The following ATOSA variants were observed in gnomAD, a reference collection of about 807,000 sequenced individuals.
ATOSA encodes atos homolog protein A.
chr15:52,594,362 A>G, the ATOSA span, among the ~76,000 whole-genome samples: 1 of 152,230 alleles, frequency 6.6e-6, no homozygotes, highest in Non-Finnish European at 1.5e-5. Flanking sequence ...ACTCACTGAG[A>G]TAACTACTTT....
At chr15:52,611,387 G>A in the ATOSA span, 36 of 1,258,674 alleles carry the variant, frequency 2.9e-5, 1 homozygote, top group South Asian at 4.4e-4. Context: ...ATACACTTAC[G>A]ATGTCACTTG....
the ATOSA span, among the ~76,000 whole-genome samples, chr15:52,597,867 G>A: frequency 1.3e-5 from 2 of 152,206 alleles, no homozygotes; most frequent in Non-Finnish European, 2.9e-5. Context: ...GCTTATGCCT[G>A]TAATCCCAGC....
the ATOSA span, among the ~76,000 whole-genome samples, chr15:52,643,590 CTTTTTTT>C: frequency 7.3e-6 from 1 of 136,694 alleles, no homozygotes; most frequent in African/African-American, 2.7e-5. Flanking sequence ...GCCTTGAACT[CTTTTTTT>C]TTTTTTTTGG....
At chr15:52,659,948 C>T in the ATOSA span, among the ~76,000 whole-genome samples, 4 of 152,196 alleles carry the variant, frequency 2.6e-5, no homozygotes, top group South Asian at 6.2e-4. Context: ...GGATTGGACA[C>T]AGGACAACAG....
chr15:52,654,610 T>A, the ATOSA span, among the ~76,000 whole-genome samples: 1 of 152,184 alleles, frequency 6.6e-6, no homozygotes, highest in African/African-American at 2.4e-5. Context: ...TCGTTAAGTA[T>A]GTTCTCTAAA....
the ATOSA span, among the ~76,000 whole-genome samples, chr15:52,659,715 G>A: frequency 1.3e-5 from 2 of 152,116 alleles, no homozygotes; most frequent in East Asian, 3.8e-4. Flanking sequence ...CAAGACTTGA[G>A]TGCACTAGCA....
the ATOSA span, among the ~76,000 whole-genome samples, chr15:52,683,585 T>C: frequency 6.6e-6 from 1 of 152,246 alleles, no homozygotes; most frequent in African/African-American, 2.4e-5. Context: ...TCTTCAGCAC[T>C]TAAGTCATAA....
At chr15:52,688,749 G>C in the ATOSA span, among the ~76,000 whole-genome samples, 1 of 152,190 alleles carries the variant, frequency 6.6e-6, no homozygotes, top group East Asian at 1.9e-4. Flanking sequence ...CTCCATGGGA[G>C]TAGATGAAGA....
the ATOSA span, chr15:52,610,990 G>T: frequency 1.0e-6 from 1 of 993,344 alleles, no homozygotes; most frequent in Non-Finnish European, 1.4e-6. Flanking sequence ...TCTCTAACTT[G>T]TTTTGAAAAA....
At chr15:52,610,220 T>C in the ATOSA span, 4 of 1,614,004 alleles carry the variant, frequency 2.5e-6, no homozygotes, top group Non-Finnish European at 3.4e-6. Context: ...AGGCCAATAT[T>C]AGTGTGAATA....
the ATOSA span, among the ~76,000 whole-genome samples, chr15:52,613,158 G>A: frequency 6.6e-6 from 1 of 152,100 alleles, no homozygotes; most frequent in South Asian, 2.1e-4. Context: ...ATGAGGTCAG[G>A]AGTTCAAGAC....
chr15:52,668,075 A>T, the ATOSA span, among the ~76,000 whole-genome samples: 1 of 152,236 alleles, frequency 6.6e-6, no homozygotes, highest in Admixed American at 6.5e-5. Flanking sequence ...TACCCAAAGG[A>T]AATGAAATCA....
the ATOSA span, among the ~76,000 whole-genome samples, chr15:52,703,064 C>T: frequency 2.4e-4 from 36 of 152,230 alleles, no homozygotes; most frequent in African/African-American, 8.4e-4. Flanking sequence ...CAATAGAATA[C>T]TATTCAGCGA....
chr15:52,653,545 C>T, the ATOSA span, among the ~76,000 whole-genome samples: 2 of 152,104 alleles, frequency 1.3e-5, no homozygotes, highest in African/African-American at 4.8e-5. Context: ...GAAAGAATGG[C>T]ATGGTAGAGA....
the ATOSA span, among the ~76,000 whole-genome samples, chr15:52,632,921 A>C: frequency 3.9e-5 from 6 of 152,234 alleles, no homozygotes; most frequent in African/African-American, 1.4e-4. Flanking sequence ...TCATGCAAAG[A>C]TTTGAAAATA....
chr15:52,615,726 G>T, the ATOSA span, among the ~76,000 whole-genome samples: 1 of 152,140 alleles, frequency 6.6e-6, no homozygotes, highest in Non-Finnish European at 1.5e-5. Context: ...TATTAAACTG[G>T]TATTTTAAGA....
chr15:52,605,992 TAA>T, the ATOSA span, among the ~76,000 whole-genome samples: 5 of 152,066 alleles, frequency 3.3e-5, no homozygotes, highest in Non-Finnish European at 7.4e-5. Context: ...TATGCCATAA[TAA>T]AAGTTATGTG....
At chr15:52,663,242 T>C in the ATOSA span, among the ~76,000 whole-genome samples, 1 of 152,228 alleles carries the variant, frequency 6.6e-6, no homozygotes, top group African/African-American at 2.4e-5. Context: ...TAACAGTTTT[T>C]GAAGGATCAA....
At chr15:52,593,488 T>G in the ATOSA span, 1 of 1,245,254 alleles carries the variant, frequency 8.0e-7, no homozygotes, top group East Asian at 2.6e-5. Context: ...AGGAAATGAT[T>G]TATATTTTCA....
Sources: gnomAD v4.1 joint callset for allele counts (sites outside exome capture counted in the v4.1 genomes callset) on GRCh38, gnomAD v4.1.1 for gene constraint, MANE v1.5 for transcripts, NCBI Gene and HGNC (gene_info 2026-07-23, HGNC 2026-07-21) for gene names.